The following GALNTL6 variants were observed in gnomAD, a reference collection of about 807,000 sequenced individuals.
GALNTL6 encodes the protein polypeptide N-acetylgalactosaminyltransferase like 6, also known as polypeptide N-acetylgalactosaminyltransferase-like 6.
Under a neutral mutation model 73.7 loss-of-function variants are expected in GALNTL6, and 46 were observed. The ratio of observed to expected loss-of-function variants is 0.62; its 90% CI spans 0.49 to 0.80. The LOEUF (loss-of-function observed/expected upper bound fraction) is 0.80, where lower values mean the gene tolerates loss of function less well. GALNTL6 is among the 30% of genes least tolerant of loss of function. The probability of loss-of-function intolerance (pLI) is 0.00; values close to 1 mark genes in which losing one functional copy is unlikely to be tolerated. For missense variants in GALNTL6, 604 were observed against 755.0 expected (o/e 0.80, Z 2.34); for synonymous variants, 259 against 263.7 (o/e 0.98, Z 0.17).
chr4:172,292,813 C>T (rs1452066716), intron 3 of GALNTL6, among the ~76,000 whole-genome samples: 1 of 152,136 alleles, frequency 6.6e-6, no homozygotes, highest in African/African-American at 2.4e-5. Context: ...GGCCTTTCTA[C>T]ATCCCAGGAG....
intron 5 of GALNTL6, among the ~76,000 whole-genome samples, chr4:172,358,134 A>C (rs1451208838): frequency 6.6e-6 from 1 of 152,218 alleles, no homozygotes; most frequent in Non-Finnish European, 1.5e-5. Context: ...GTAGAAATAT[A>C]GTGAGTGGTT....
At chr4:172,572,454 T>G (rs1732078057) in intron 5 of GALNTL6, among the ~76,000 whole-genome samples, 1 of 152,060 alleles carries the variant, frequency 6.6e-6, no homozygotes, top group African/African-American at 2.4e-5. Context: ...AACAAGTAGG[T>G]TAATATATCA....
At chr4:171,959,573 G>A (rs1271323337) in intron 2 of GALNTL6, among the ~76,000 whole-genome samples, 1 of 152,162 alleles carries the variant, frequency 6.6e-6, no homozygotes, top group Non-Finnish European at 1.5e-5. Context: ...ACTCAGAGCT[G>A]AGCATAGTGG....
intron 5 of GALNTL6, among the ~76,000 whole-genome samples, chr4:172,729,502 A>T (rs1579405126): frequency 6.6e-6 from 1 of 152,126 alleles, no homozygotes; most frequent in Non-Finnish European, 1.5e-5. Context: ...TTCTTTCCTC[A>T]TTGTAAGTTT....
At chr4:172,345,354 C>A (rs962359724) in intron 4 of GALNTL6, among the ~76,000 whole-genome samples, 1 of 152,082 alleles carries the variant, frequency 6.6e-6, no homozygotes, top group Admixed American at 6.6e-5. Context: ...TACTAATAAT[C>A]AACTAATTAG....
intron 2 of GALNTL6, among the ~76,000 whole-genome samples, chr4:172,217,984 A>G (rs996722369): frequency 2.6e-5 from 4 of 152,044 alleles, no homozygotes; most frequent in African/African-American, 9.7e-5. Flanking sequence ...TCCTCTTTAT[A>G]TAGAGGCTAT....
intron 5 of GALNTL6, among the ~76,000 whole-genome samples, chr4:172,779,832 G>A (rs996704914): frequency 3.9e-5 from 6 of 152,220 alleles, no homozygotes; most frequent in African/African-American, 1.4e-4. Context: ...GTTTGCTGCT[G>A]TGATAGAGGC....
chr4:172,475,244 C>T (rs1733189739), intron 5 of GALNTL6, among the ~76,000 whole-genome samples: 1 of 152,156 alleles, frequency 6.6e-6, no homozygotes, highest in Non-Finnish European at 1.5e-5. Flanking sequence ...CACCAGGTCA[C>T]TTTTCAATAA....
intron 3 of GALNTL6, among the ~76,000 whole-genome samples, chr4:172,309,003 T>C (rs1740255535): frequency 6.6e-6 from 1 of 152,198 alleles, no homozygotes. Flanking sequence ...TGATTTGTTT[T>C]CCATTTACGT....
chr4:172,138,448 G>T (rs1379713159), intron 2 of GALNTL6, among the ~76,000 whole-genome samples: 4 of 85,982 alleles, frequency 4.7e-5, no homozygotes, highest in Non-Finnish European at 8.3e-5. Flanking sequence ...CAAATTTGAT[G>T]TCTAATTATA....
chr4:172,570,111 G>A (rs1162913919), intron 5 of GALNTL6, among the ~76,000 whole-genome samples: 2 of 152,190 alleles, frequency 1.3e-5, no homozygotes, highest in Non-Finnish European at 2.9e-5. Flanking sequence ...GAAGGTGGAA[G>A]AATACATGGG....
chr4:171,847,971 T>C (rs1735419485), intron 2 of GALNTL6, among the ~76,000 whole-genome samples: 2 of 152,310 alleles, frequency 1.3e-5, no homozygotes, highest in Non-Finnish European at 2.9e-5. Flanking sequence ...TGGTGAATCC[T>C]TTCTGGAAGC....
At chr4:172,843,704 CAAAA>C (rs1327330750) in intron 7 of GALNTL6, among the ~76,000 whole-genome samples, 2 of 152,146 alleles carry the variant, frequency 1.3e-5, no homozygotes, top group African/African-American at 4.8e-5. Flanking sequence ...GAATGCATCA[CAAAA>C]GAAATGACAG....
chr4:172,290,597 C>A (rs1044844791), intron 3 of GALNTL6, among the ~76,000 whole-genome samples: 3 of 151,798 alleles, frequency 2.0e-5, no homozygotes, highest in Admixed American at 2.0e-4. Flanking sequence ...TTGATAATTG[C>A]AATGAAGTAA....
chr4:172,667,892 G>A (rs976691731), intron 5 of GALNTL6: 2 of 152,172 alleles, frequency 1.3e-5, no homozygotes, highest in African/African-American at 2.4e-5. Flanking sequence ...TAACTTTTTA[G>A]GAACTCCCTG....
At chr4:172,732,344 A>G (rs182825239) in intron 5 of GALNTL6, among the ~76,000 whole-genome samples, 159 of 152,200 alleles carry the variant, frequency 1.0e-3, no homozygotes, top group African/African-American at 2.2e-3. Context: ...TATAATGTCA[A>G]TATAGTTATT....
chr4:172,449,039 G>T (rs1732121267), intron 5 of GALNTL6, among the ~76,000 whole-genome samples: 1 of 152,228 alleles, frequency 6.6e-6, no homozygotes, highest in East Asian at 1.9e-4. Flanking sequence ...ATGGATACAA[G>T]CTGAAGGAAG....
chr4:172,098,323 A>C (rs1371826099), intron 2 of GALNTL6, among the ~76,000 whole-genome samples: 1 of 152,060 alleles, frequency 6.6e-6, no homozygotes, highest in Non-Finnish European at 1.5e-5. Flanking sequence ...TCTAGGGTTC[A>C]TTGGGTGGGA....
intron 5 of GALNTL6, chr4:172,380,463 C>T (rs1413304071): frequency 2.0e-5 from 10 of 509,338 alleles, no homozygotes; most frequent in Admixed American, 7.4e-5. Flanking sequence ...GTTTCCTTGA[C>T]GATCCTGCTG....
Sources: allele counts gnomAD v4.1 joint callset (sites outside exome capture counted in the v4.1 genomes callset), GRCh38; gene constraint gnomAD v4.1.1; transcripts MANE v1.5; gene names NCBI Gene and HGNC (gene_info 2026-07-23, HGNC 2026-07-21).